Variants in ZNF444 observed in about 807,000 individuals in gnomAD.
The protein encoded by ZNF444 is endothelial zinc finger protein 2.
ZNF444 carries 8 observed loss-of-function variants against 14.4 expected under a neutral mutation model. That is an observed-to-expected ratio of 0.56 (90% confidence interval 0.33 to 1.00). The LOEUF (loss-of-function observed/expected upper bound fraction) is 1.00. ZNF444 is among the 50% of genes least tolerant of loss of function. ZNF444 has a pLI of 0.03. For missense variants in ZNF444, 510 were observed against 504.8 expected (o/e 1.01, Z -0.10); for synonymous variants, 258 against 235.9 (o/e 1.09, Z -0.86).
At chr19:56,159,264 A>G (rs1298412240) in intron 4 of ZNF444, among the ~76,000 whole-genome samples, 1 of 150,042 alleles carries the variant, frequency 6.7e-6, no homozygotes, top group Non-Finnish European at 1.5e-5. Context: ...CTAGACATTC[A>G]TCCACCCCTC....
At chr19:56,140,727 C>A (rs2030742659), upstream of ZNF444, among the ~76,000 whole-genome samples, 1 of 152,132 alleles carries the variant, frequency 6.6e-6, no homozygotes, top group South Asian at 2.1e-4. Context: ...GTAGCCTGCA[C>A]TCCTGATTGG....
intron 3 of ZNF444, chr19:56,157,828 C>T (rs1283562391): frequency 1.3e-5 from 2 of 152,222 alleles, no homozygotes; most frequent in Non-Finnish European, 2.9e-5. Flanking sequence ...GAAGAATTCT[C>T]ATCCCTTTCC....
intron 3 of ZNF444, chr19:56,150,332 G>T: frequency 3.9e-6 from 1 of 253,938 alleles, no homozygotes; most frequent in Non-Finnish European, 7.8e-6. Flanking sequence ...TGCAGTGAGA[G>T]TTCTGTTGGT....
At chr19:56,154,055 G>A (rs577832840) in intron 3 of ZNF444, among the ~76,000 whole-genome samples, 3 of 152,292 alleles carry the variant, frequency 2.0e-5, no homozygotes, top group Admixed American at 1.3e-4. Context: ...GGGATGGAGC[G>A]GATTTGACAA....
chr19:56,135,659 C>G (rs893316886), intron 1 of ZNF444, among the ~76,000 whole-genome samples: 1 of 151,886 alleles, frequency 6.6e-6, no homozygotes, highest in Non-Finnish European at 1.5e-5. Flanking sequence ...TTGGGAAAAC[C>G]TTTCCCAGCA....
chr19:56,137,982 G>C (rs894271041), upstream of ZNF444, among the ~76,000 whole-genome samples: 2 of 152,064 alleles, frequency 1.3e-5, no homozygotes, highest in African/African-American at 4.8e-5. Flanking sequence ...AAATTAGCTG[G>C]GTGTGGTGGC....
intron 1 of ZNF444, chr19:56,143,712 TC>T (rs752948460): frequency 2.6e-5 from 4 of 151,928 alleles, no homozygotes; most frequent in African/African-American, 9.7e-5. Context: ...GAATATGGAG[TC>T]TCTCGCCCAC....
intron 3 of ZNF444, chr19:56,154,267 T>C (rs894546668): frequency 6.6e-6 from 1 of 152,212 alleles, no homozygotes; most frequent in Non-Finnish European, 1.5e-5. Context: ...ACTTTATGTG[T>C]AAGTTCTACC....
intron 3 of ZNF444, among the ~76,000 whole-genome samples, chr19:56,153,158 CAG>C (rs1048775091): frequency 5.9e-5 from 9 of 152,118 alleles, no homozygotes; most frequent in Non-Finnish European, 1.2e-4. Context: ...TGGGGGAGAA[CAG>C]GGGACATTTG....
rs186284497 is a variant in ZNF444, at chr19:56,147,979, G to A, written c.297+771G>A. 1.3e-5 allele frequency among the ~76,000 whole-genome samples: 2 copies of A among 152,346 alleles called. No homozygotes were observed. The highest frequency in any genetic ancestry group is 4.8e-5 in the African/African-American group (2 of 41,588). The stretch of plus-strand genomic sequence containing the variant: ...CCACCGTGATGACCACAGAGGGCCC[G>A]AGGAGCTGGAAGTGTTGACTGCCTG... On this transcript the variant is annotated intron_variant, in intron 3 of 4. Transcript: ENST00000337080. The surrounding 1 kb of genome is among the most constrained non-coding windows in gnomAD (Gnocchi z 5.9).
chr19:56,134,591 G>A (rs928436418), intron 1 of ZNF444, among the ~76,000 whole-genome samples: 2 of 152,146 alleles, frequency 1.3e-5, no homozygotes, highest in African/African-American at 4.8e-5. Context: ...AGGAGGGGAC[G>A]TCTGATCACA....
At chr19:56,150,308 C>A (rs2031496219) in intron 3 of ZNF444, 2 of 234,616 alleles carry the variant, frequency 8.5e-6, no homozygotes, top group Non-Finnish European at 1.7e-5. Flanking sequence ...AAAAAAAAAT[C>A]TTCCATTCGG....
rs1045119163 is a variant in ZNF444, at chr19:56,147,326, G to GAGGCTGCGGTAC, written c.297+133_297+144dup. ...GAAAACCAGTGTGACTCGCGGTGGGGAGGCTGCGGTACAGGCTGCGGTACA... is the reference window on the plus strand; with the variant it reads ...GAAAACCAGTGTGACTCGCGGTGGGGAGGCTGCGGTACAGGCTGCGGTACAGGCTGCGGTACA... On this transcript the variant is annotated intron_variant, in intron 3 of 4. Coordinates refer to ENST00000337080, the MANE Select transcript of ZNF444 (RefSeq NM_018337.4). The surrounding 1 kb of genome is among the most constrained non-coding windows in gnomAD (Gnocchi z 5.9). 4.2e-6 allele frequency: 5 copies of GAGGCTGCGGTAC among 1,202,092 alleles called. No individual in the cohort carries two copies. The highest frequency in any genetic ancestry group is 1.8e-5 in the South Asian group (1 of 54,292). 74.5% of individuals were successfully genotyped at this position (1,202,092 alleles called of 1,614,324 possible).
chr19:56,154,301 C>T (rs1305219930), intron 3 of ZNF444: 1 of 152,160 alleles, frequency 6.6e-6, no homozygotes, highest in East Asian at 1.9e-4. Context: ...ACTGATCATT[C>T]TCATCTGTTC....
At chr19:56,156,674 TC>T (rs1298046860) in intron 3 of ZNF444, 1 of 152,234 alleles carries the variant, frequency 6.6e-6, no homozygotes, top group Non-Finnish European at 1.5e-5. Context: ...AAGCTTCCCA[TC>T]GTTAGAACAA....
chr19:56,133,859 G>A (rs1010028279), intron 1 of ZNF444, among the ~76,000 whole-genome samples: 1 of 150,798 alleles, frequency 6.6e-6, no homozygotes. Flanking sequence ...CTGCTGCCTC[G>A]CCGGGGGAGC....
intron 3 of ZNF444, chr19:56,157,573 T>A (rs1019904414): frequency 6.6e-6 from 1 of 152,040 alleles, no homozygotes; most frequent in African/African-American, 2.4e-5. Context: ...CCAGCTAATT[T>A]GTTGTATCTT....
intron 3 of ZNF444, chr19:56,155,350 T>C (rs546589715): frequency 6.6e-6 from 1 of 152,536 alleles, no homozygotes; most frequent in African/African-American, 2.4e-5. Context: ...CGGCACTCGG[T>C]CTCTGTTGGG....
chr19:56,147,219 C>A lies in ZNF444; in HGVS notation c.297+11C>A, dbSNP rs371624108. 1 of 1,415,418 alleles carries A rather than the reference C, an allele frequency of 7.1e-7. No homozygotes were observed. The highest frequency in any genetic ancestry group is 2.9e-5 in the East Asian group (1 of 34,478). The allele number at this position is 1,415,418 out of a possible 1,614,324, so 87.7% of individuals were successfully genotyped here. ...CTGGAGGAGCTCTGGGTGAGCCTGG[C>A]GGGACTGCAAGCGGGGAAGGGAGAG... On this transcript the variant is annotated intron_variant, in intron 3 of 4. Transcript: ENST00000337080. This position sits in a 1 kb window ranked among gnomAD's most constrained non-coding sequence, Gnocchi z 5.9.
Sources: allele counts gnomAD v4.1 joint callset (sites outside exome capture counted in the v4.1 genomes callset), GRCh38; gene constraint gnomAD v4.1.1; non-coding constraint Gnocchi (gnomAD v3.1); transcripts MANE v1.5; gene names NCBI Gene and HGNC (gene_info 2026-07-23, HGNC 2026-07-21).